The following PDE4D variants were observed in gnomAD, a reference collection of about 807,000 sequenced individuals.
PDE4D encodes 3',5'-cyclic-AMP phosphodiesterase 4D.
In PDE4D, 24 loss-of-function variants were observed where a neutral mutation model predicts 87.4. That is an observed-to-expected ratio of 0.27 (90% CI 0.20 to 0.39). The LOEUF (loss-of-function observed/expected upper bound fraction) is 0.39, where lower values mean the gene tolerates loss of function less well. Among genes scored for constraint, PDE4D ranks in the 10% least tolerant of loss-of-function variants. The pLI is 1.00. For missense variants in PDE4D, 714 were observed against 1,041.0 expected (o/e 0.69, Z 4.32); for synonymous variants, 384 against 383.2 (o/e 1.00, Z -0.02).
chr5:59,950,341 T>C (rs1758166165), intron 3 of PDE4D, among the ~76,000 whole-genome samples: 1 of 152,154 alleles, frequency 6.6e-6, no homozygotes, highest in Admixed American at 6.5e-5. Context: ...GAACTCATAC[T>C]TGTTATCATT....
chr5:59,960,052 CT>C (rs1027359315), intron 3 of PDE4D, among the ~76,000 whole-genome samples: 2 of 152,054 alleles, frequency 1.3e-5, no homozygotes, highest in Admixed American at 1.3e-4. Flanking sequence ...TGAACAGACA[CT>C]TTTCAAAAGA....
At chr5:60,247,352 G>C (rs554633449) in intron 1 of PDE4D, among the ~76,000 whole-genome samples, 65 of 152,064 alleles carry the variant, frequency 4.3e-4, no homozygotes, top group African/African-American at 1.5e-3. Context: ...ATCCGTAGCA[G>C]GGATGATAGT....
chr5:59,323,208 C>T (rs528493015), intron 1 of PDE4D, among the ~76,000 whole-genome samples: 2 of 152,098 alleles, frequency 1.3e-5, no homozygotes, highest in African/African-American at 2.4e-5. Flanking sequence ...CAAGATTCAA[C>T]TAAAATTTTT....
intron 5 of PDE4D, among the ~76,000 whole-genome samples, chr5:59,097,782 G>T (rs1393177715): frequency 6.6e-6 from 1 of 152,084 alleles, no homozygotes; most frequent in African/African-American, 2.4e-5. Context: ...TTCCAGATGG[G>T]ACTACTTTCA....
chr5:59,828,951 A>C (rs1288339452), intron 1 of PDE4D, among the ~76,000 whole-genome samples: 1 of 152,066 alleles, frequency 6.6e-6, no homozygotes, highest in Non-Finnish European at 1.5e-5. Context: ...CTAAGTCTCA[A>C]ATCAAAGGGA....
At chr5:59,354,870 T>C (rs1266411032) in intron 1 of PDE4D, among the ~76,000 whole-genome samples, 1 of 152,142 alleles carries the variant, frequency 6.6e-6, no homozygotes, top group African/African-American at 2.4e-5. Context: ...CCTCAAAGAG[T>C]TTGCAGTGCA....
chr5:60,064,187 T>A (rs1771797696), intron 2 of PDE4D, among the ~76,000 whole-genome samples: 1 of 152,132 alleles, frequency 6.6e-6, no homozygotes, highest in Admixed American at 6.6e-5. Flanking sequence ...TAAAAGTTTT[T>A]ATCCATAAAA....
intron 1 of PDE4D, among the ~76,000 whole-genome samples, chr5:60,380,444 C>G (rs960860573): frequency 1.3e-5 from 2 of 152,222 alleles, no homozygotes; most frequent in African/African-American, 4.8e-5. Context: ...ATATGCACCA[C>G]TTTCAAGCAA....
In PDE4D at chr5:59,055,467, G is replaced by A. The variant is rs1762197909; in HGVS notation, c.809-16496C>T. Among the ~76,000 whole-genome samples, 3 of 152,128 alleles carry A rather than the reference G, an allele frequency of 2.0e-5. No individual in the cohort carries two copies. The South Asian group carries it at 6.2e-4, about 32-fold the overall frequency. On this transcript the variant is annotated intron_variant, in intron 5 of 14. Transcript: ENST00000340635. ...TGTCTGCCCCCATTATTCCCCTGTG[G>A]TTGACCTCACCTCCATCTCTATCTT...
intron 1 of PDE4D, among the ~76,000 whole-genome samples, chr5:59,750,314 C>T (rs1193985170): frequency 1.3e-5 from 2 of 152,068 alleles, no homozygotes; most frequent in Admixed American, 6.6e-5. Context: ...CAATACATCA[C>T]AGTCATCACC....
intron 1 of PDE4D, among the ~76,000 whole-genome samples, chr5:59,294,049 G>T (rs1221604152): frequency 6.6e-6 from 1 of 152,186 alleles, no homozygotes; most frequent in East Asian, 1.9e-4. Flanking sequence ...ACTGGAAGCA[G>T]AATAAATGAC....
chr5:59,326,922 A>C (rs191509142), intron 1 of PDE4D, among the ~76,000 whole-genome samples: 1 of 152,160 alleles, frequency 6.6e-6, no homozygotes, highest in Admixed American at 6.6e-5. Context: ...AGAGAATACA[A>C]TTCATGTAAT....
In PDE4D at chr5:59,735,729, C is replaced by T. The variant is rs535058995; in HGVS notation, c.455+157439G>A. ...TGGCCCAGGCTGGAGTGCAGTGGCC[C>T]GATCTCAGCTCACTGAAACCTCCAC... is the stretch of plus-strand genomic sequence containing the variant. On this transcript the variant is annotated intron_variant, in intron 1 of 14. Transcript: ENST00000340635. 1.3e-3 allele frequency among the ~76,000 whole-genome samples: 200 copies of T among 152,074 alleles called. 1 individual carries two copies. The highest frequency in any genetic ancestry group is 4.5e-3 in the African/African-American group (188 of 41,488).
chr5:59,713,771 A>G (rs13361053), intron 1 of PDE4D, among the ~76,000 whole-genome samples: 8,771 of 152,258 alleles, frequency 0.058, 284 homozygotes, highest in African/African-American at 0.08. Flanking sequence ...AGCAGCTGGA[A>G]GTGCAGAGCA....
intron 1 of PDE4D, among the ~76,000 whole-genome samples, chr5:59,454,521 A>G (rs1158360665): frequency 1.3e-5 from 2 of 152,292 alleles, no homozygotes; most frequent in East Asian, 3.9e-4. Flanking sequence ...TGGAATTGTA[A>G]GCCTATTAAA....
chr5:59,163,102 G>T (rs951692872), intron 5 of PDE4D, among the ~76,000 whole-genome samples: 26 of 139,416 alleles, frequency 1.9e-4, no homozygotes, highest in Non-Finnish European at 3.8e-4. Context: ...CTCCATGCCT[G>T]GCTACTTTTT....
intron 6 of PDE4D, among the ~76,000 whole-genome samples, chr5:59,000,298 T>A (rs564325954): frequency 1.3e-5 from 2 of 152,290 alleles, no homozygotes; most frequent in Admixed American, 1.3e-4. Flanking sequence ...TCCTTCCAAA[T>A]AAAAACTGCT....
chr5:60,014,978 T>C (rs1249855068), intron 2 of PDE4D, among the ~76,000 whole-genome samples: 1 of 152,174 alleles, frequency 6.6e-6, no homozygotes, highest in African/African-American at 2.4e-5. Context: ...TGGTAACATG[T>C]TCCCAGCTGG....
intron 1 of PDE4D, among the ~76,000 whole-genome samples, chr5:59,617,769 A>G (rs1356809225): frequency 6.6e-6 from 1 of 152,168 alleles, no homozygotes; most frequent in Non-Finnish European, 1.5e-5. Flanking sequence ...TCTCACCTCC[A>G]TAACTGTGAG....
Sources: allele counts gnomAD v4.1 joint callset (sites outside exome capture counted in the v4.1 genomes callset), GRCh38; gene constraint gnomAD v4.1.1; transcripts MANE v1.5; gene names NCBI Gene and HGNC (gene_info 2026-07-23, HGNC 2026-07-21).